Variants in P4HB observed in about 807,000 individuals in gnomAD.
P4HB encodes the protein protein disulfide-isomerase.
In P4HB, 20 loss-of-function variants were observed where a neutral mutation model predicts 52.6. That is an observed-to-expected ratio of 0.38 (90% confidence interval 0.27 to 0.55). The LOEUF (loss-of-function observed/expected upper bound fraction) is 0.55. P4HB is among the 20% of genes least tolerant of loss of function. P4HB has a pLI of 0.74. For missense variants in P4HB, 601 were observed against 669.2 expected (o/e 0.90, Z 1.12); for synonymous variants, 296 against 277.9 (o/e 1.07, Z -0.65).
chr17:81,846,993 C>T lies in P4HB; in HGVS notation c.809G>A (p.Gly270Asp), dbSNP rs866897203. ...FLPKSVSDYD[G>D]KLSNFKTAAE... ...TGCTGTTTTGAAGTTGCTCAGTTTGCCGTCATAGTCAGACACACTCTTGGG... is the reference window on the plus strand; with the variant it reads ...TGCTGTTTTGAAGTTGCTCAGTTTGTCGTCATAGTCAGACACACTCTTGGG... The change falls in exon 6 of 11, where the codon GGC becomes GAC. Residue 270 changes from glycine (G) to aspartate (D), a missense_variant. By Grantham distance (94) the Gly-to-Asp change is moderately conservative. Transcript: ENST00000331483. The surrounding 1 kb of genome is among the most constrained non-coding windows in gnomAD (Gnocchi z 5.7). 4 of 1,614,064 alleles carry T rather than the reference C, an allele frequency of 2.5e-6. No homozygotes were observed. The highest frequency in any genetic ancestry group is 2.2e-5 in the East Asian group (1 of 44,880).
At chr17:81,857,593 C>A (rs948327324) in intron 2 of P4HB, among the ~76,000 whole-genome samples, 4 of 152,196 alleles carry the variant, frequency 2.6e-5, no homozygotes, top group African/African-American at 9.7e-5. Context: ...TGGGAACAGG[C>A]TGACGCCCCG....
rs201407315 is a variant in P4HB at position 81,845,125 on chromosome 17, G to C, written c.1446+19C>G. On this transcript the variant is annotated intron_variant, in intron 10 of 10. Coordinates refer to ENST00000331483, the MANE Select transcript of P4HB (RefSeq NM_000918.4). ...GGGCTGAATCCCAGAGACCAGCCCA[G>C]GGCTGTGACCCCACTCACGTCATCA... is the stretch of plus-strand genomic sequence containing the variant. 1.3e-6 allele frequency: 2 copies of C among 1,590,938 alleles called. No homozygotes were observed. The highest frequency in any genetic ancestry group is 1.7e-6 in the Non-Finnish European group (2 of 1,160,252).
intron 4 of P4HB, among the ~76,000 whole-genome samples, chr17:81,849,869 C>G (rs1018501542): frequency 3.3e-5 from 5 of 152,000 alleles, no homozygotes; most frequent in Non-Finnish European, 5.9e-5. Context: ...CTATTGTCAC[C>G]CAGGCTGGAG....
At chr17:81,851,541 C>G (rs2038830871) in intron 4 of P4HB, among the ~76,000 whole-genome samples, 1 of 152,244 alleles carries the variant, frequency 6.6e-6, no homozygotes, top group Admixed American at 6.5e-5. Context: ...GGAGGGAATC[C>G]TTTGGAACAT....
intron 2 of P4HB, among the ~76,000 whole-genome samples, chr17:81,856,531 T>C (rs1186767116): frequency 6.6e-6 from 1 of 151,254 alleles, no homozygotes; most frequent in Non-Finnish European, 1.5e-5. Context: ...AGAGACAGGG[T>C]TCCCCATGTT....
intron 4 of P4HB, among the ~76,000 whole-genome samples, chr17:81,850,995 T>TA (rs2038822629): frequency 6.6e-6 from 1 of 151,406 alleles, no homozygotes; most frequent in African/African-American, 2.4e-5. Context: ...GCAGTGGTGC[T>TA]TCTCGGCTCA....
intron 4 of P4HB, among the ~76,000 whole-genome samples, chr17:81,853,535 C>A (rs2038865863): frequency 6.6e-6 from 1 of 151,738 alleles, no homozygotes. Flanking sequence ...GATCGCGCCA[C>A]TGCACTCCAG....
chr17:81,845,063 AAGCCG>A lies in P4HB; in HGVS notation c.1446+76_1446+80del, dbSNP rs1384272211. 11 of 1,191,424 alleles carry A rather than the reference AAGCCG, an allele frequency of 9.2e-6. No homozygotes were observed. The Admixed American group carries it at 1.5e-4, about 17-fold the overall frequency. 73.8% of individuals were successfully genotyped at this position (1,191,424 alleles called of 1,614,324 possible). A position where few individuals can be genotyped will look rare whatever the true frequency, so the allele number is the denominator to read the frequency against. On this transcript the variant is annotated intron_variant, in intron 10 of 10. Coordinates refer to ENST00000331483, the MANE Select transcript of P4HB (RefSeq NM_000918.4). ...CCTCCAATGGCACCATTCCCATCACAAGCCGAGCCCAAGTGGGCATGTCCCGTGGG... is the reference window on the plus strand; with the variant it reads ...CCTCCAATGGCACCATTCCCATCACAAGCCCAAGTGGGCATGTCCCGTGGG...
rs1191883491 is a variant in P4HB at position 81,846,699 on chromosome 17, C to T, written c.856-70G>A. 1.0e-5 allele frequency: 15 copies of T among 1,483,850 alleles called. No homozygotes were observed. The highest frequency in any genetic ancestry group is 8.0e-5 in the South Asian group (7 of 87,596). 91.9% of individuals were successfully genotyped at this position (1,483,850 alleles called of 1,614,324 possible). On this transcript the variant is annotated intron_variant, in intron 6 of 10. Transcript: ENST00000331483. The surrounding 1 kb of genome is among the most constrained non-coding windows in gnomAD (Gnocchi z 5.7). ...CTCTGCCTCCAGCCCTGACTTTGCTCGGAAGCAGACCGTGCTCCGGTGCCT... is the reference window on the plus strand; with the variant it reads ...CTCTGCCTCCAGCCCTGACTTTGCTTGGAAGCAGACCGTGCTCCGGTGCCT...
intron 4 of P4HB, among the ~76,000 whole-genome samples, chr17:81,851,804 C>T (rs939487533): frequency 5.9e-5 from 9 of 152,362 alleles, no homozygotes; most frequent in Non-Finnish European, 1.0e-4. Context: ...TCACGGTCTA[C>T]TGCGGTAAGG....
chr17:81,849,135 A>AG (rs1328277335), intron 4 of P4HB, among the ~76,000 whole-genome samples: 1 of 151,618 alleles, frequency 6.6e-6, no homozygotes. Context: ...CTGAGGCAGG[A>AG]GGATTGCTTG....
Position 81,860,336 on chromosome 17 carries a change from C to G in P4HB, c.136G>C (p.Val46Leu). 6.8e-7 allele frequency: 1 copy of G among 1,468,642 alleles called. No individual in the cohort carries two copies. The allele number at this position is 1,468,642 out of a possible 1,614,324, so 91.0% of individuals were successfully genotyped here. ...EALAAHKYLL[V>L]EFYAPWCGHC... Reference sequence around the variant, plus strand: ...CAGGCCCGGCGCTCACAGAACTCCACCAGCAGGTACTTGTGGGCCGCCAGC... The same window carrying G: ...CAGGCCCGGCGCTCACAGAACTCCAGCAGCAGGTACTTGTGGGCCGCCAGC... Residue 46 changes from valine to leucine, a missense_variant, in exon 1 of 11, where the codon GTG becomes CTG. Physicochemically the swap from Val to Leu is conservative, Grantham distance 32. Transcript: ENST00000331483.
chr17:81,857,643 T>C (rs2038931946), intron 2 of P4HB, among the ~76,000 whole-genome samples: 2 of 152,170 alleles, frequency 1.3e-5, no homozygotes, highest in Non-Finnish European at 2.9e-5. Context: ...TCCCAGGCGT[T>C]TCGGGAGTTC....
rs201920701 is a variant in P4HB, at chr17:81,845,629, C to T, written c.1291G>A (p.Glu431Lys). Reference sequence around the variant, plus strand: ...CTGTGCACTTTGACGGCCTCCACCTCGTTGGCAGTCGAGTCCATCTTGGCG... The same window carrying T: ...CTGTGCACTTTGACGGCCTCCACCTTGTTGGCAGTCGAGTCCATCTTGGCG... The part of the protein sequence containing the change: ...VIAKMDSTAN[E>K]VEAVKVHSFP... Residue 431 changes from glutamate to lysine, a missense_variant, in exon 9 of 11, where the codon GAG becomes AAG. By Grantham distance (56) the Glu-to-Lys change is moderately conservative (BLOSUM62 1). Transcript: ENST00000331483. 4 of 1,613,472 alleles carry T rather than the reference C, an allele frequency of 2.5e-6. No individual in the cohort carries two copies. Among genetic ancestry groups the T allele is most frequent in the Non-Finnish European group, 3.4e-6 (4 of 1,179,512 alleles).
chr17:81,859,953 G>C (rs1466407089), intron 1 of P4HB: 1 of 199,132 alleles, frequency 5.0e-6, no homozygotes, highest in East Asian at 1.2e-4. Flanking sequence ...GACACCATCG[G>C]AAGGACTGCT....
At chr17:81,859,021 C>A in intron 2 of P4HB, 160 bp downstream of exon 2, 1 of 635,584 alleles carries the variant, frequency 1.6e-6, no homozygotes, top group Non-Finnish European at 2.8e-6. Context: ...TCACAAGACC[C>A]TCAGGGCACA....
At chr17:81,852,493 T>G (rs781325970) in intron 4 of P4HB, among the ~76,000 whole-genome samples, 3 of 152,218 alleles carry the variant, frequency 2.0e-5, no homozygotes, top group Non-Finnish European at 4.4e-5. Flanking sequence ...GAGCTCTGAC[T>G]TCCAGGGCAG....
At chr17:81,858,008 A>G (rs1027728236) in intron 2 of P4HB, among the ~76,000 whole-genome samples, 10 of 152,048 alleles carry the variant, frequency 6.6e-5, no homozygotes, top group African/African-American at 1.9e-4. Flanking sequence ...TGAGAACATC[A>G]ATCACGCCTG....
rs1005670612 is a variant in P4HB, at chr17:81,860,474, C to G, written c.-3G>C. ...CACAGCAGAGCGCGGCGCAGCATGT[C>G]GGACACGGATCAGGCGGGGCGCTTC... is the stretch of plus-strand genomic sequence containing the variant. On this transcript the variant is annotated 5_prime_UTR_variant, in exon 1 of 11. Transcript: ENST00000331483. 1.5e-6 allele frequency: 2 copies of G among 1,311,920 alleles called. No homozygotes were observed. Among genetic ancestry groups the G allele is most frequent in the Non-Finnish European group, 1.9e-6 (2 of 1,027,844 alleles). 81.3% of individuals were successfully genotyped at this position (1,311,920 alleles called of 1,614,324 possible).
Sources: gnomAD v4.1 joint callset for allele counts (sites outside exome capture counted in the v4.1 genomes callset) on GRCh38, gnomAD v4.1.1 for gene constraint, Gnocchi (gnomAD v3.1) non-coding constraint, MANE v1.5 for transcripts, NCBI Gene and HGNC (gene_info 2026-07-23, HGNC 2026-07-21) for gene names.